The following ATL1 variants were observed in gnomAD, a reference collection of about 807,000 sequenced individuals.
The protein encoded by ATL1 is atlastin GTPase 1, also known as atlastin-1.
Under a neutral mutation model 75.5 loss-of-function variants are expected in ATL1, and 31 were observed. That is an observed-to-expected ratio of 0.41 (90% CI 0.31 to 0.55). The LOEUF is 0.55. Among genes scored for constraint, ATL1 ranks in the 20% least tolerant of loss-of-function variants. The pLI is 0.27. For synonymous variants in ATL1, 226 were observed against 233.3 expected (o/e 0.97, Z 0.28); for missense variants, 405 against 662.6 (o/e 0.61, Z 4.27).
At chr14:50,591,901 G>A (rs1479833442) in intron 4 of ATL1, 1 of 398,052 alleles carries the variant, frequency 2.5e-6, no homozygotes, top group Non-Finnish European at 4.6e-6. Flanking sequence ...TGTTGTTGTT[G>A]TTTAAAGCCT....
chr14:50,552,118 G>A (rs2038710176), intron 1 of ATL1, among the ~76,000 whole-genome samples: 1 of 152,146 alleles, frequency 6.6e-6, no homozygotes, highest in South Asian at 2.1e-4. Context: ...AAACCCTAAA[G>A]ACTCATCCAA....
rs2039168943 is a variant in ATL1 at position 50,592,546 on chromosome 14, A to AG, written c.522+907_522+908insG. Among the ~76,000 whole-genome samples the AG allele has an allele frequency of 2.0e-5, 3 of 152,054 alleles. No individual in the cohort carries two copies. The South Asian group carries it at 6.2e-4, about 32-fold the overall frequency. ...AGGACTTTAAAGTAAAAGTCATAAA[A>AG]AAAAAAGTCATGGTTATAACCTACT... On this transcript the variant is annotated intron_variant, in intron 4 of 13. Transcript: ENST00000358385.
chr14:50,623,473 A>G (rs2039487252), intron 11 of ATL1, among the ~76,000 whole-genome samples: 1 of 152,076 alleles, frequency 6.6e-6, no homozygotes, highest in Admixed American at 6.6e-5. Context: ...TCTCTGTAAT[A>G]TATCCCTATT....
At position 50,628,467 on chromosome 14, in the gene ATL1, G is replaced by A. The variant is rs1156548784; in HGVS notation, c.1551+5G>A. The A allele has an allele frequency of 1.2e-6, 2 of 1,613,660 alleles. No individual in the cohort carries two copies. The highest frequency in any genetic ancestry group is 2.2e-5 in the South Asian group (2 of 91,016). ...GCTGCAGCTCTGTGGGACCAGGTAA[G>A]AACACCTTTAATTCACAACTAAATT... On this transcript the variant is annotated splice_donor_5th_base_variant and intron_variant, in intron 12 of 13. Coordinates refer to ENST00000358385, the MANE Select transcript of ATL1 (RefSeq NM_015915.5).
At chr14:50,541,046 C>T (rs1278023847) in intron 1 of ATL1, among the ~76,000 whole-genome samples, 1 of 152,154 alleles carries the variant, frequency 6.6e-6, no homozygotes, top group African/African-American at 2.4e-5. Context: ...TTTACTAGAG[C>T]AAATCAGAAC....
upstream of ATL1, chr14:50,559,960 T>A (rs1197672106): frequency 8.5e-6 from 4 of 470,116 alleles, no homozygotes; most frequent in Admixed American, 1.4e-4. Flanking sequence ...TGTTTGTGTT[T>A]TCCGTTGAAA....
At chr14:50,537,130 G>A (rs1428504706) in intron 1 of ATL1, among the ~76,000 whole-genome samples, 1 of 152,182 alleles carries the variant, frequency 6.6e-6, no homozygotes, top group East Asian at 1.9e-4. Flanking sequence ...CTAGGCCCAG[G>A]GTCCCTGTGC....
At position 50,628,185 on chromosome 14, in the gene ATL1, T is replaced by C. The variant is rs753618344; in HGVS notation, c.1274T>C (p.Ile425Thr). ...RRYLQQLESE[I>T]DELYIQYIKH... ...TACCTGCAGCAGTTGGAGAGTGAAA[T>C]AGATGAACTTTACATCCAATATATC... The change falls in exon 12 of 14, where the codon ATA becomes ACA. Residue 425 changes from isoleucine (I) to threonine (T), a missense_variant. Ile to Thr is a moderately conservative substitution (Grantham distance 89). Coordinates refer to ENST00000358385, the MANE Select transcript of ATL1 (RefSeq NM_015915.5). The C allele has an allele frequency of 1.4e-5, 23 of 1,613,974 alleles. No homozygotes were observed. In the Admixed American group the frequency reaches 2.3e-4, roughly 16 times the overall value.
upstream of ATL1, among the ~76,000 whole-genome samples, chr14:50,557,496 T>C (rs1238923218): frequency 6.6e-6 from 1 of 152,234 alleles, no homozygotes; most frequent in African/African-American, 2.4e-5. Flanking sequence ...GAAATCACTC[T>C]GTATTAGCTT....
At chr14:50,597,781 AC>A (rs2039234863) in intron 6 of ATL1, among the ~76,000 whole-genome samples, 3 of 151,864 alleles carry the variant, frequency 2.0e-5, no homozygotes, top group Non-Finnish European at 1.5e-5. Flanking sequence ...TGCAAGCTCC[AC>A]CTCTGGGATT....
In ATL1 at chr14:50,593,882, C is replaced by A; in HGVS notation, c.559C>A (p.Leu187Ile). ...ATCCCAAAATGTCCAGGAGGATGAT[C>A]TTCAGCACCTCCAGGTAACAATATT... is the stretch of plus-strand genomic sequence containing the variant. ...NLSQNVQEDD[L>I]QHLQLFTEYG... The change falls in exon 5 of 14, where the codon CTT (leucine) becomes ATT (isoleucine). Residue 187 changes from leucine (L) to isoleucine (I), a missense_variant. Physicochemically the swap from Leu to Ile is conservative, Grantham distance 5. Around this residue, in one of 5 missense-constraint regions of ATL1, gnomAD observed 59 missense variants for 161.4 expected, o/e 0.37. Coordinates refer to ENST00000358385, the MANE Select transcript of ATL1 (RefSeq NM_015915.5). The A allele has an allele frequency of 6.2e-7, 1 of 1,606,826 alleles. No homozygotes were observed. Among genetic ancestry groups the A allele is most frequent in the South Asian group, 1.1e-5 (1 of 90,926 alleles).
At chr14:50,555,438 G>A (rs7157934), upstream of ATL1, among the ~76,000 whole-genome samples, 151,305 of 152,288 alleles carry the variant, frequency 0.99, 75,178 homozygotes, top group Middle Eastern at 1. Flanking sequence ...CACGCCACCC[G>A]TCCCGGCTAA....
intron 1 of ATL1, among the ~76,000 whole-genome samples, chr14:50,581,863 A>AT (rs972406649): frequency 6.6e-6 from 1 of 152,206 alleles, no homozygotes; most frequent in African/African-American, 2.4e-5. Flanking sequence ...ATATTTACTG[A>AT]TTTTTGTCTG....
intron 1 of ATL1, among the ~76,000 whole-genome samples, chr14:50,567,011 C>T (rs1371230415): frequency 6.6e-6 from 1 of 152,056 alleles, no homozygotes; most frequent in Non-Finnish European, 1.5e-5. Flanking sequence ...TTTAAATGTA[C>T]AGTTCCGTGA....
chr14:50,620,193 G>T (rs1467338092), intron 8 of ATL1, among the ~76,000 whole-genome samples: 1 of 152,182 alleles, frequency 6.6e-6, no homozygotes, highest in East Asian at 1.9e-4. Context: ...AGGAGGCAGA[G>T]GTTGCAGTGA....
At chr14:50,573,628 T>C (rs955648401) in intron 1 of ATL1, among the ~76,000 whole-genome samples, 1 of 152,210 alleles carries the variant, frequency 6.6e-6, no homozygotes, top group Non-Finnish European at 1.5e-5. Context: ...GTATGCAATA[T>C]ATGTCCATTA....
At chr14:50,549,664 T>G (rs1193980751) in intron 1 of ATL1, among the ~76,000 whole-genome samples, 2 of 152,006 alleles carry the variant, frequency 1.3e-5, no homozygotes, top group East Asian at 3.9e-4. Flanking sequence ...TGATCAGAGC[T>G]CCCATTCATG....
intron 6 of ATL1, among the ~76,000 whole-genome samples, chr14:50,604,577 TCTTTATACTTTTAAGGTAAGAACTATATC>T (rs1443563474): frequency 2.0e-5 from 3 of 152,156 alleles, no homozygotes; most frequent in South Asian, 2.1e-4. Flanking sequence ...CAGTATTGTC[TCTTTATACTTTTAAGGTAAGAACTATATC>T]CTTTATACTT....
chr14:50,552,998 AAAAT>A (rs1225731971), intron 1 of ATL1, among the ~76,000 whole-genome samples: 2 of 152,162 alleles, frequency 1.3e-5, no homozygotes, highest in African/African-American at 4.8e-5. Flanking sequence ...AACAAAAACA[AAAAT>A]AAATAAATGG....
Sources: gnomAD v4.1 joint callset for allele counts (sites outside exome capture counted in the v4.1 genomes callset) on GRCh38, gnomAD v4.1.1 for gene constraint, gnomAD v4.1.1 regional missense constraint, MANE v1.5 for transcripts, NCBI Gene and HGNC (gene_info 2026-07-23, HGNC 2026-07-21) for gene names.